UVRAG: variants seen among roughly 807,000 people sequenced by gnomAD.
UVRAG encodes the protein UV radiation resistance associated.
A neutral mutation model predicts 78.0 loss-of-function variants in UVRAG; 19 were observed. The observed-to-expected ratio is 0.24, with a 90% CI of 0.17 to 0.36. The LOEUF (loss-of-function observed/expected upper bound fraction) is 0.36. Ranked by LOEUF, UVRAG falls within the 10% of genes least tolerant of loss-of-function variation. UVRAG has a pLI of 1.00. For missense variants in UVRAG, 740 were observed against 853.8 expected (o/e 0.87, Z 1.66); for synonymous variants, 323 against 324.6 (o/e 1.00, Z 0.05).
rs1192622718 is a variant in UVRAG at position 75,973,646 on chromosome 11, G to A, written c.700-9741G>A. ...ATATGTATACATGTGCCATGTTGGT[G>A]TGCTGCACCCATTAACTCGTCATTT... On this transcript the variant is annotated intron_variant, in intron 7 of 14. Transcript: ENST00000356136. 2.0e-5 allele frequency among the ~76,000 whole-genome samples: 3 copies of A among 152,124 alleles called. No individual in the cohort carries two copies. In the East Asian group the frequency reaches 5.8e-4, roughly 29 times the overall value.
chr11:75,832,912 A>T (rs1447673348), intron 1 of UVRAG, among the ~76,000 whole-genome samples: 2 of 152,180 alleles, frequency 1.3e-5, no homozygotes. Flanking sequence ...CTGTCCCCCT[A>T]TACCAAGGGT....
At chr11:75,976,717 C>T (rs1949249687) in intron 7 of UVRAG, among the ~76,000 whole-genome samples, 1 of 151,730 alleles carries the variant, frequency 6.6e-6, no homozygotes, top group Non-Finnish European at 1.5e-5. Flanking sequence ...GGTGATATCC[C>T]CTTTATCATT....
At chr11:76,088,293 A>G (rs926945141) in intron 13 of UVRAG, among the ~76,000 whole-genome samples, 1 of 152,118 alleles carries the variant, frequency 6.6e-6, no homozygotes, top group African/African-American at 2.4e-5. Flanking sequence ...CATTGCCTCT[A>G]CTAAGGTAGA....
At chr11:75,861,879 A>G in intron 3 of UVRAG, 99 bp downstream of exon 3, 2 of 1,012,778 alleles carry the variant, frequency 2.0e-6, no homozygotes, top group Admixed American at 2.0e-5. Flanking sequence ...CTCTGGTTTT[A>G]TGATACTTTA....
intron 2 of UVRAG, among the ~76,000 whole-genome samples, chr11:75,854,791 A>G (rs1345765383): frequency 6.6e-6 from 1 of 152,220 alleles, no homozygotes; most frequent in African/African-American, 2.4e-5. Flanking sequence ...AAATGAAACA[A>G]TTTGGCTACT....
chr11:75,925,221 A>G (rs1948072899), intron 6 of UVRAG, among the ~76,000 whole-genome samples: 1 of 152,134 alleles, frequency 6.6e-6, no homozygotes, highest in African/African-American at 2.4e-5. Flanking sequence ...AGGTTTAGTG[A>G]TTTCACCCTG....
At chr11:76,121,392 T>G (rs1186735747) in intron 14 of UVRAG, among the ~76,000 whole-genome samples, 2 of 152,216 alleles carry the variant, frequency 1.3e-5, no homozygotes, top group African/African-American at 4.8e-5. Context: ...TGTGCTCTTT[T>G]GAATACTGTG....
chr11:75,877,894 G>A (rs1182808918), intron 3 of UVRAG, among the ~76,000 whole-genome samples: 51 of 148,452 alleles, frequency 3.4e-4, no homozygotes, highest in African/African-American at 1.2e-3. Context: ...CGGACGGGGC[G>A]GCTGGCCTGG....
chr11:75,857,013 C>A (rs542465416), intron 2 of UVRAG, among the ~76,000 whole-genome samples: 38 of 152,288 alleles, frequency 2.5e-4, no homozygotes, highest in Non-Finnish European at 4.3e-4. Flanking sequence ...AGTCTTTCAG[C>A]GTATACTTTT....
At chr11:76,092,467 A>C (rs1018740087) in intron 13 of UVRAG, among the ~76,000 whole-genome samples, 1 of 152,226 alleles carries the variant, frequency 6.6e-6, no homozygotes, top group East Asian at 1.9e-4. Flanking sequence ...GTGTAAAAGC[A>C]TTCCTATTTC....
intron 1 of UVRAG, among the ~76,000 whole-genome samples, chr11:75,826,341 G>C (rs886433625): frequency 6.6e-6 from 1 of 151,774 alleles, no homozygotes; most frequent in African/African-American, 2.4e-5. Context: ...ATCTTTAGTA[G>C]AGACGGGGTT....
intron 14 of UVRAG, among the ~76,000 whole-genome samples, chr11:76,135,552 A>G (rs1270709631): frequency 6.6e-6 from 1 of 152,368 alleles, no homozygotes; most frequent in South Asian, 2.1e-4. Context: ...TTATTCAACA[A>G]GCTACACTGT....
At chr11:76,137,914 AT>A (rs1014670162) in intron 14 of UVRAG, among the ~76,000 whole-genome samples, 2 of 151,892 alleles carry the variant, frequency 1.3e-5, no homozygotes, top group South Asian at 2.1e-4. Context: ...CTCTAAAAAA[AT>A]TTTTTTTTAA....
chr11:76,008,610 T>C (rs1949994635), intron 10 of UVRAG, among the ~76,000 whole-genome samples, 197 bp from the exon 11 acceptor site: 1 of 152,188 alleles, frequency 6.6e-6, no homozygotes, highest in African/African-American at 2.4e-5. Flanking sequence ...AATGTTATTA[T>C]AGAAAATTTC....
chr11:75,817,051 G>C (rs1945275357), intron 1 of UVRAG, among the ~76,000 whole-genome samples: 1 of 152,154 alleles, frequency 6.6e-6, no homozygotes, highest in Non-Finnish European at 1.5e-5. Flanking sequence ...GGAGTTTGAG[G>C]GTAGTGGGGG....
chr11:75,967,063 G>C (rs1462706457), intron 7 of UVRAG, among the ~76,000 whole-genome samples: 2 of 152,082 alleles, frequency 1.3e-5, no homozygotes, highest in East Asian at 3.8e-4. Flanking sequence ...ACAGAAAAGG[G>C]GAATTTCATT....
intron 14 of UVRAG, among the ~76,000 whole-genome samples, chr11:76,124,505 A>C (rs1386766196): frequency 6.6e-6 from 1 of 152,236 alleles, no homozygotes; most frequent in Non-Finnish European, 1.5e-5. Context: ...ACGTTGGGCC[A>C]ACTTATTTTG....
intron 7 of UVRAG, among the ~76,000 whole-genome samples, chr11:75,975,668 T>G (rs1442558978): frequency 2.6e-5 from 4 of 152,124 alleles, no homozygotes; most frequent in Admixed American, 6.5e-5. Flanking sequence ...CTCTCTGTTT[T>G]TCTGTTATTG....
chr11:76,114,949 T>C (rs1301576784), intron 13 of UVRAG, among the ~76,000 whole-genome samples: 1 of 152,248 alleles, frequency 6.6e-6, no homozygotes, highest in Non-Finnish European at 1.5e-5. Context: ...TACACAGACA[T>C]ACATTTTATA....
Sources: gnomAD v4.1 joint callset for allele counts (sites outside exome capture counted in the v4.1 genomes callset) on GRCh38, gnomAD v4.1.1 for gene constraint, MANE v1.5 for transcripts, NCBI Gene and HGNC (gene_info 2026-07-23, HGNC 2026-07-21) for gene names.